Variants in DACH2 observed in about 807,000 individuals in gnomAD.
The protein encoded by DACH2 is dachshund family transcription factor 2.
In DACH2, 17 loss-of-function variants were observed where a neutral mutation model predicts 35.8. That is an observed-to-expected ratio of 0.48 (90% confidence interval 0.33 to 0.71). DACH2 has a LOEUF of 0.71. Ranked by LOEUF, DACH2 falls within the 30% of genes least tolerant of loss-of-function variation. The pLI, the probability that DACH2 is intolerant of heterozygous loss-of-function variation, is 0.02. For missense variants in DACH2, 469 were observed against 472.7 expected (o/e 0.99, Z 0.07); for synonymous variants, 195 against 177.3 (o/e 1.10, Z -0.79).
chrX:86,202,476 G>C (rs747483765), intron 1 of DACH2, among the ~76,000 whole-genome samples: 1 of 111,694 alleles, frequency 9.0e-6, no homozygotes, highest in South Asian at 3.7e-4. Context: ...TCTAAGCAGA[G>C]AGAAGAACCA....
At chrX:86,633,137 CA>C (rs769478042) in intron 3 of DACH2, among the ~76,000 whole-genome samples, 9 of 108,499 alleles carry the variant, frequency 8.3e-5, no homozygotes, top group Admixed American at 4.9e-4. Context: ...AAATAAAGAC[CA>C]AAAAAATACA....
At chrX:86,779,631 CA>C (rs1402212684) in intron 7 of DACH2, among the ~76,000 whole-genome samples, 4 of 111,239 alleles carry the variant, frequency 3.6e-5, no homozygotes, top group Non-Finnish European at 7.5e-5. Flanking sequence ...AGTCAAATTA[CA>C]ACTGCAGTAA....
At chrX:86,434,920 G>A (rs1202683991) in intron 2 of DACH2, among the ~76,000 whole-genome samples, 1 of 110,776 alleles carries the variant, frequency 9.0e-6, no homozygotes, top group East Asian at 2.9e-4. Flanking sequence ...GCAGGAGAAC[G>A]TGAGAGAGAT....
chrX:86,820,671 A>T (rs2097942750), intron 11 of DACH2, among the ~76,000 whole-genome samples: 1 of 111,241 alleles, frequency 9.0e-6, no homozygotes, highest in South Asian at 3.7e-4. Context: ...TAAAATTTAC[A>T]ATTTAGGGCA....
At chrX:86,331,979 C>G (rs906086268) in intron 1 of DACH2, among the ~76,000 whole-genome samples, 1 of 111,617 alleles carries the variant, frequency 9.0e-6, no homozygotes, top group Admixed American at 9.6e-5. Flanking sequence ...AGATTTTTCA[C>G]CGACATGGAG....
chrX:86,587,223 G>T (rs1224791148), intron 3 of DACH2, among the ~76,000 whole-genome samples: 2 of 110,986 alleles, frequency 1.8e-5, no homozygotes, highest in Non-Finnish European at 3.8e-5. Context: ...GGATGTTATT[G>T]GTGTGTTGGG....
chrX:86,307,146 G>T (rs760689633), intron 1 of DACH2, among the ~76,000 whole-genome samples: 1 of 111,655 alleles, frequency 9.0e-6, no homozygotes, highest in Non-Finnish European at 1.9e-5. Context: ...TTGTTGCTCC[G>T]AAGTTCAGTG....
intron 3 of DACH2, among the ~76,000 whole-genome samples, chrX:86,589,648 A>G (rs750247678): frequency 1.1e-3 from 124 of 111,625 alleles, no homozygotes; most frequent in African/African-American, 3.9e-3. Context: ...TGTATTTATT[A>G]TTATAATATT....
intron 1 of DACH2, among the ~76,000 whole-genome samples, chrX:86,217,699 T>C (rs767199373): frequency 9.0e-6 from 1 of 111,120 alleles, no homozygotes; most frequent in South Asian, 3.8e-4. Context: ...AATAGAAGTA[T>C]TGAGATAATT....
Position 86,292,600 on chromosome X carries a change from C to T in DACH2, c.489-84224C>T, listed in dbSNP as rs913294172. On this transcript the variant is annotated intron_variant, in intron 1 of 11. Coordinates refer to ENST00000373125, the MANE Select transcript of DACH2 (RefSeq NM_053281.3). ...TTCCCTCTACACACTGCTTTGAATG[C>T]GTCCCAGAGATTCTGGTATGTTGTG... Among the ~76,000 whole-genome samples the T allele has an allele frequency of 5.1e-3, 560 of 110,099 alleles. 2 individuals are homozygous for T. The highest frequency in any genetic ancestry group is 7.4e-3 in the Non-Finnish European group (390 of 52,642).
intron 3 of DACH2, among the ~76,000 whole-genome samples, chrX:86,532,525 A>G (rs2038737460): frequency 9.2e-6 from 1 of 109,281 alleles, no homozygotes; most frequent in Non-Finnish European, 1.9e-5. Context: ...TTTTGCTACC[A>G]TGTAATATGT....
At chrX:86,737,919 C>T (rs765864099) in intron 6 of DACH2, among the ~76,000 whole-genome samples, 57 of 110,995 alleles carry the variant, frequency 5.1e-4, no homozygotes, top group Non-Finnish European at 2.3e-4. Context: ...TCCCTCTCTA[C>T]CCCCTCTAGA....
rs760493151 is a variant in DACH2, at chrX:86,695,132, G to A, written c.884G>A (p.Gly295Asp). 11 of 1,130,630 alleles carry A rather than the reference G, an allele frequency of 9.7e-6. No homozygotes were observed. The South Asian group carries it at 1.6e-4, about 17-fold the overall frequency. 93.2% of individuals were successfully genotyped at this position (1,130,630 alleles called of 1,213,427 possible). A position where few individuals can be genotyped will look rare whatever the true frequency, so the allele number is the denominator to read the frequency against. The change falls in exon 5 of 12, where the codon GGT becomes GAT. Residue 295 changes from glycine to aspartate, a missense_variant. Gly to Asp is a moderately conservative substitution (Grantham distance 94, BLOSUM62 -1). Around this residue, in one of 3 missense-constraint regions of DACH2, gnomAD observed 363 missense variants for 334.4 expected, o/e 1.09. Transcript: ENST00000373125. ...AALAGQPGIG[G>D]APTLNPLQQN... ...CTAGCTGGCCAGCCAGGCATTGGGG[G>A]TGCTCCAACCCTCAATCCACTGCAG...
intron 1 of DACH2, among the ~76,000 whole-genome samples, chrX:86,218,521 G>T (rs745783889): frequency 1.8e-5 from 2 of 111,314 alleles, no homozygotes; most frequent in Admixed American, 1.9e-4. Context: ...CAGCACTATC[G>T]CATTTATTGT....
At chrX:86,248,768 G>A (rs180682548) in intron 1 of DACH2, among the ~76,000 whole-genome samples, 1 of 110,906 alleles carries the variant, frequency 9.0e-6, no homozygotes, top group East Asian at 2.8e-4. Context: ...TAGAGCCTGA[G>A]GAATCACCAT....
chrX:86,192,918 T>G (rs1345681563), intron 1 of DACH2, among the ~76,000 whole-genome samples: 1 of 112,337 alleles, frequency 8.9e-6, no homozygotes, highest in Admixed American at 9.5e-5. Flanking sequence ...TTATTTATTT[T>G]GGAATGATTT....
intron 1 of DACH2, among the ~76,000 whole-genome samples, chrX:86,177,541 A>C (rs1048024630): frequency 8.9e-6 from 1 of 111,795 alleles, no homozygotes; most frequent in Non-Finnish European, 1.9e-5. Context: ...GAAGTTGGCT[A>C]TCTCAATCTT....
At chrX:86,574,096 A>C (rs1372414361) in intron 3 of DACH2, among the ~76,000 whole-genome samples, 2 of 111,679 alleles carry the variant, frequency 1.8e-5, no homozygotes, top group African/African-American at 6.5e-5. Context: ...TCACTTATTC[A>C]GTCAGGGCAT....
intron 3 of DACH2, among the ~76,000 whole-genome samples, chrX:86,626,630 TCCTCTGAAATCTAGGTGGAGGTTC>T (rs1349163517): frequency 8.8e-6 from 1 of 113,065 alleles, no homozygotes; most frequent in Non-Finnish European, 1.9e-5. Flanking sequence ...CTTCTGTACA[TCCTCTGAAATCTAGGTGGAGGTTC>T]CCAAACCTCA....
Sources: gnomAD v4.1 joint callset for allele counts (sites outside exome capture counted in the v4.1 genomes callset) on GRCh38, gnomAD v4.1.1 for gene constraint, gnomAD v4.1.1 regional missense constraint, MANE v1.5 for transcripts, NCBI Gene and HGNC (gene_info 2026-07-23, HGNC 2026-07-21) for gene names.